Variants in FRMD4B observed in about 807,000 individuals in gnomAD.
FRMD4B encodes FERM domain-containing protein 4B.
In FRMD4B, 74 loss-of-function variants were observed where a neutral mutation model predicts 141.5. The ratio of observed to expected loss-of-function variants is 0.52; its 90% CI spans 0.43 to 0.63. The LOEUF (loss-of-function observed/expected upper bound fraction) is 0.63, where lower values mean the gene tolerates loss of function less well. Ranked by LOEUF, FRMD4B falls within the 30% of genes least tolerant of loss-of-function variation. FRMD4B has a pLI of 0.00. For synonymous variants in FRMD4B, 506 were observed against 467.9 expected (o/e 1.08, Z -1.05); for missense variants, 1,366 against 1,253.4 (o/e 1.09, Z -1.36).
rs778849275 is a variant in FRMD4B at position 69,249,253 on chromosome 3, AAAC to A, written c.559-8_559-6del. ...GGTATAATCTCCCTTGGCTTCCTAA[AAAC>A]AACAAACAAAAACAGAGTTGATCAA... is the stretch of plus-strand genomic sequence containing the variant. On this transcript the variant is annotated splice_region_variant and splice_polypyrimidine_tract_variant and intron_variant, in intron 6 of 22. Transcript: ENST00000398540. 1.3e-6 allele frequency: 2 copies of A among 1,569,754 alleles called. No homozygotes were observed. The highest frequency in any genetic ancestry group is 2.3e-5 in the South Asian group (2 of 88,150).
intron 5 of FRMD4B, among the ~76,000 whole-genome samples, chr3:69,262,590 G>A (rs1372106210): frequency 6.8e-6 from 1 of 147,804 alleles, no homozygotes; most frequent in Non-Finnish European, 1.5e-5. Flanking sequence ...CTCCCTAGTA[G>A]CTGGGATTAC....
intron 9 of FRMD4B, 74 bp from the exon 10 acceptor site, chr3:69,218,453 A>C: frequency 4.5e-6 from 3 of 666,142 alleles, no homozygotes; most frequent in Non-Finnish European, 2.6e-6. Context: ...TGATTTAAAG[A>C]AACACCACGT....
At chr3:69,534,399 T>C (rs1433717958) in intron 1 of FRMD4B, among the ~76,000 whole-genome samples, 4 of 152,160 alleles carry the variant, frequency 2.6e-5, no homozygotes, top group Non-Finnish European at 5.9e-5. Context: ...TGTTTCTCTA[T>C]CTATCATCTA....
At chr3:69,467,842 A>C (rs954499506) in intron 1 of FRMD4B, among the ~76,000 whole-genome samples, 5 of 152,156 alleles carry the variant, frequency 3.3e-5, no homozygotes, top group African/African-American at 1.2e-4. Flanking sequence ...TTCTGCTGCA[A>C]ATACTAAAAA....
chr3:69,192,365 G>A (rs1471033315), intron 17 of FRMD4B, among the ~76,000 whole-genome samples: 1 of 151,972 alleles, frequency 6.6e-6, no homozygotes, highest in Non-Finnish European at 1.5e-5. Context: ...CACAGAAAGA[G>A]ATCCTGTCTC....
At chr3:69,239,986 G>A (rs2093370112) in intron 7 of FRMD4B, among the ~76,000 whole-genome samples, 1 of 151,892 alleles carries the variant, frequency 6.6e-6, no homozygotes, top group Admixed American at 6.6e-5. Flanking sequence ...CCAAGAGGCG[G>A]AGGTTGCAGT....
intron 1 of FRMD4B, among the ~76,000 whole-genome samples, chr3:69,502,852 A>T (rs1316026817): frequency 6.6e-6 from 1 of 152,076 alleles, no homozygotes; most frequent in African/African-American, 2.4e-5. Flanking sequence ...CAAACAAACA[A>T]CCCCATCAAA....
intron 7 of FRMD4B, among the ~76,000 whole-genome samples, chr3:69,241,811 G>A (rs2093386247): frequency 1.3e-5 from 2 of 152,100 alleles, no homozygotes. Flanking sequence ...GGAGTTTGCA[G>A]TGAGCTGCGA....
At chr3:69,536,938 A>T (rs1439451461) in intron 1 of FRMD4B, among the ~76,000 whole-genome samples, 2 of 151,986 alleles carry the variant, frequency 1.3e-5, no homozygotes, top group African/African-American at 2.4e-5. Context: ...AGTAGGAATG[A>T]GGTCTTCCTA....
chr3:69,444,138 C>A (rs1317819439), intron 1 of FRMD4B, among the ~76,000 whole-genome samples: 2 of 152,150 alleles, frequency 1.3e-5, no homozygotes, highest in African/African-American at 4.8e-5. Context: ...TTCCCTAGCC[C>A]CCTGCCCACC....
At chr3:69,208,283 C>T (rs926878922) in intron 11 of FRMD4B, among the ~76,000 whole-genome samples, 1 of 151,784 alleles carries the variant, frequency 6.6e-6, no homozygotes, top group African/African-American at 2.4e-5. Flanking sequence ...AGGCTGGTTT[C>T]CAACTCCTCA....
intron 2 of FRMD4B, among the ~76,000 whole-genome samples, chr3:69,403,034 C>T (rs559633582): frequency 3.3e-5 from 5 of 152,198 alleles, no homozygotes; most frequent in African/African-American, 1.2e-4. Flanking sequence ...GAGGATATGC[C>T]AGCAGTAGCT....
intron 4 of FRMD4B, among the ~76,000 whole-genome samples, chr3:69,288,560 C>T (rs560568953): frequency 3.9e-5 from 6 of 152,312 alleles, no homozygotes; most frequent in South Asian, 4.1e-4. Flanking sequence ...TGACAGCTCC[C>T]GGGTGGGGAG....
At chr3:69,465,893 T>C (rs781566446) in intron 1 of FRMD4B, among the ~76,000 whole-genome samples, 10 of 152,336 alleles carry the variant, frequency 6.6e-5, no homozygotes, top group Non-Finnish European at 1.5e-4. Context: ...TTATAATCCT[T>C]TGGGTATACA....
intron 2 of FRMD4B, among the ~76,000 whole-genome samples, chr3:69,418,256 C>T (rs1011971769): frequency 2.6e-5 from 4 of 152,118 alleles, no homozygotes; most frequent in Non-Finnish European, 5.9e-5. Flanking sequence ...ACACGGTGTA[C>T]ATAGAACAAT....
chr3:69,394,563 TTGG>T (rs1265410203), intron 2 of FRMD4B, among the ~76,000 whole-genome samples: 2 of 152,194 alleles, frequency 1.3e-5, no homozygotes, highest in East Asian at 3.9e-4. Flanking sequence ...TTTTATACTG[TTGG>T]TGGGAGTGTA....
intron 8 of FRMD4B, among the ~76,000 whole-genome samples, chr3:69,222,430 G>C (rs984198718): frequency 1.5e-5 from 2 of 133,158 alleles, no homozygotes; most frequent in African/African-American, 5.6e-5. Context: ...TTGAGCCATT[G>C]CACTCCATTC....
At chr3:69,505,435 A>G (rs1706580792) in intron 1 of FRMD4B, among the ~76,000 whole-genome samples, 1 of 152,176 alleles carries the variant, frequency 6.6e-6, no homozygotes, top group Admixed American at 6.5e-5. Context: ...ATTTACTTGT[A>G]TCATTCTTTA....
chr3:69,525,719 A>G (rs113365082), intron 1 of FRMD4B, among the ~76,000 whole-genome samples: 29,196 of 151,762 alleles, frequency 0.19, 2,898 homozygotes, highest in East Asian at 0.26. Flanking sequence ...TGGCACAATC[A>G]CGGCTCACTG....
Sources: gnomAD v4.1 joint callset for allele counts (sites outside exome capture counted in the v4.1 genomes callset) on GRCh38, gnomAD v4.1.1 for gene constraint, MANE v1.5 for transcripts, NCBI Gene and HGNC (gene_info 2026-07-23, HGNC 2026-07-21) for gene names.